The following NOD1 variants were observed in gnomAD, a reference collection of about 807,000 sequenced individuals.
NOD1 encodes nucleotide-binding oligomerization domain-containing protein 1.
A neutral mutation model predicts 81.2 loss-of-function variants in NOD1; 70 were observed. The observed-to-expected ratio is 0.86, with a 90% CI of 0.71 to 1.05. The LOEUF (loss-of-function observed/expected upper bound fraction) is 1.05. Ranked by LOEUF, NOD1 falls within the 50% of genes least tolerant of loss-of-function variation. NOD1 has a pLI of 0.00. For synonymous variants in NOD1, 508 were observed against 526.9 expected, an observed-to-expected ratio of 0.96 and a Z score of 0.49; for missense variants, 1,233 against 1,228.0, an observed-to-expected ratio of 1.00 and a Z score of -0.06.
intron 11 of NOD1, among the ~76,000 whole-genome samples, chr7:30,435,203 G>T (rs1784279313): frequency 6.6e-6 from 1 of 152,228 alleles, no homozygotes; most frequent in Admixed American, 6.5e-5. Context: ...GTGCCCTAGA[G>T]TGCAGAGAGG....
At chr7:30,470,057 T>C (rs899801653) in intron 1 of NOD1, among the ~76,000 whole-genome samples, 1 of 152,228 alleles carries the variant, frequency 6.6e-6, no homozygotes, top group Non-Finnish European at 1.5e-5. Context: ...AGTTGATTAT[T>C]TTCCTTTCAC....
rs192621414 is a variant in NOD1 at position 30,446,677 on chromosome 7, A to G, written c.2369+290T>C. On this transcript the variant is annotated intron_variant, in intron 8 of 13. Coordinates refer to ENST00000222823, the MANE Select transcript of NOD1 (RefSeq NM_006092.4). ...AAGCTCTTCCTTGCAACCCGACAGG[A>G]AACTCCCTTGGGGCAAAAAGACCAC... The G allele has an allele frequency of 3.3e-5, 14 of 424,356 alleles. No homozygotes were observed. In the Admixed American group the frequency reaches 3.8e-4, roughly 11 times the overall value. 26.3% of individuals were successfully genotyped at this position (424,356 alleles called of 1,614,324 possible). A position where few individuals can be genotyped will look rare whatever the true frequency, so the allele number is the denominator to read the frequency against.
At position 30,425,669 on chromosome 7, in the gene NOD1, T is replaced by C. The variant is rs370998122; in HGVS notation, c.2831A>G (p.Tyr944Cys). 216 of 1,613,786 alleles carry C rather than the reference T, an allele frequency of 1.3e-4. No individual in the cohort carries two copies. The highest frequency in any genetic ancestry group is 1.7e-4 in the Non-Finnish European group (198 of 1,179,814). The change falls in exon 14 of 14, where the codon TAT becomes TGT. Residue 944 changes from tyrosine (Y) to cysteine (C), a missense_variant. Coordinates refer to ENST00000222823, the MANE Select transcript of NOD1 (RefSeq NM_006092.4). ...ACAGATAATCCGCTTCTCATCTTCA[T>C]AGACTTTGGCCTCCTCTGGTTTTAT... ...NLIKPEEAKVYEDEKRIICF is the reference protein window; with the variant it reads ...NLIKPEEAKVCEDEKRIICF
rs369902284 is a variant in NOD1 at position 30,456,941 on chromosome 7, T to C, written c.-20A>G. ...TTCCATAGTTAAAGTAGCAAGCGGC[T>C]ACTTTTCCCAAATTCATCTTCAGCT... is the stretch of plus-strand genomic sequence containing the variant. On this transcript the variant is annotated 5_prime_UTR_variant, in exon 4 of 14. Coordinates refer to ENST00000222823, the MANE Select transcript of NOD1 (RefSeq NM_006092.4). 69 of 1,609,530 alleles carry C rather than the reference T, an allele frequency of 4.3e-5. No individual in the cohort carries two copies. The highest frequency in any genetic ancestry group is 5.7e-5 in the Non-Finnish European group (67 of 1,175,968).
rs536210644 is a variant in NOD1, at chr7:30,432,469, T to C, written c.2705+627A>G. Among the ~76,000 whole-genome samples the C allele has an allele frequency of 4.6e-5, 7 of 152,312 alleles. 1 individual carries two copies. Among genetic ancestry groups the C allele is most frequent in the African/African-American group, 4.8e-5 (2 of 41,570 alleles). On this transcript the variant is annotated intron_variant, in intron 12 of 13. Transcript: ENST00000222823. ...AAGTGTTGGTGAGGATGTGGAGAAA[T>C]TGGAATCCACATACATTGCTGGCGA...
Position 30,448,365 on chromosome 7 carries a change from T to C in NOD1, c.2218A>G (p.Ile740Val). 3 of 1,614,174 alleles carry C rather than the reference T, an allele frequency of 1.9e-6. No individual in the cohort carries two copies. Among genetic ancestry groups the C allele is most frequent in the Non-Finnish European group, 2.5e-6 (3 of 1,179,990 alleles). The part of the protein sequence containing the change: ...LTVLRLSVNQ[I>V]TDGGVKVLSE... ...AGCACCTTTACCCCACCGTCAGTGATCTGGTTTACGCTGAGTCTGAAATAA... is the reference window on the plus strand; with the variant it reads ...AGCACCTTTACCCCACCGTCAGTGACCTGGTTTACGCTGAGTCTGAAATAA... The change falls in exon 7 of 14, where the codon ATC (isoleucine) becomes GTC (valine). Residue 740 changes from isoleucine to valine, a missense_variant. By Grantham distance (29) the Ile-to-Val change is conservative. Transcript: ENST00000222823.
chr7:30,475,190 T>C (rs1428459947), intron 1 of NOD1, among the ~76,000 whole-genome samples: 1 of 152,256 alleles, frequency 6.6e-6, no homozygotes, highest in Non-Finnish European at 1.5e-5. Flanking sequence ...CTTAGCAATA[T>C]GTGACTGCCA....
At position 30,425,360 on chromosome 7, in the gene NOD1, A is replaced by ATAAT. The variant is rs923339931; in HGVS notation, c.*274_*277dup. On this transcript the variant is annotated 3_prime_UTR_variant, in exon 14 of 14. Transcript: ENST00000222823. ...TTTATTCCTCTAGCTTCAGATAAAA[A>ATAAT]TAATTATAATAGGCAATAAAGTCTC... 5 of 392,154 alleles carry ATAAT rather than the reference A, an allele frequency of 1.3e-5. No homozygotes were observed. The highest frequency in any genetic ancestry group is 1.0e-4 in the African/African-American group (5 of 49,194). 24.3% of individuals were successfully genotyped at this position (392,154 alleles called of 1,614,324 possible).
At chr7:30,435,278 C>T (rs1468483578) in intron 11 of NOD1, among the ~76,000 whole-genome samples, 3 of 152,032 alleles carry the variant, frequency 2.0e-5, no homozygotes, top group Non-Finnish European at 4.4e-5. Context: ...AAAGGCCAAA[C>T]CCTGATGTGA....
chr7:30,425,756 G>C (rs372809270), intron 13 of NOD1, 46 bp from the exon 14 acceptor site: 1 of 1,333,302 alleles, frequency 7.5e-7, no homozygotes, highest in African/African-American at 1.4e-5. Context: ...AAATGTTAAG[G>C]ATCCTCGCAC....
At chr7:30,460,486 G>A (rs1786926018) in intron 1 of NOD1, 1 of 985,292 alleles carries the variant, frequency 1.0e-6, no homozygotes, top group African/African-American at 1.7e-5. Context: ...CCAGGCCAGT[G>A]GTGCAGACCA....
chr7:30,475,802 C>T (rs1425913417), intron 1 of NOD1: 1 of 152,206 alleles, frequency 6.6e-6, no homozygotes, highest in Non-Finnish European at 1.5e-5. Flanking sequence ...AACTTTCTAG[C>T]GTGGGTAAAA....
At chr7:30,466,502 GA>G (rs1201347886) in intron 1 of NOD1, among the ~76,000 whole-genome samples, 1 of 152,046 alleles carries the variant, frequency 6.6e-6, no homozygotes, top group African/African-American at 2.4e-5. Context: ...AATCAACCTT[GA>G]TTGTTTGATA....
At position 30,455,315 on chromosome 7, in the gene NOD1, G is replaced by C; in HGVS notation, c.202-4C>G. Reference sequence around the variant, plus strand: ...CCAGGTCCAGAATTTTGCGGACCTGGAGGTGACACAAGCATGAGGGCACGG... The same window carrying C: ...CCAGGTCCAGAATTTTGCGGACCTGCAGGTGACACAAGCATGAGGGCACGG... On this transcript the variant is annotated splice_region_variant and splice_polypyrimidine_tract_variant and intron_variant, in intron 4 of 13. Transcript: ENST00000222823. The C allele has an allele frequency of 6.2e-7, 1 of 1,611,380 alleles. No homozygotes were observed. The highest frequency in any genetic ancestry group is 1.1e-5 in the South Asian group (1 of 91,004).
chr7:30,446,148 C>G lies in NOD1; in HGVS notation c.2446G>C (p.Glu816Gln), dbSNP rs771682319. Residue 816 changes from glutamate to glutamine, a missense_variant, in exon 9 of 14, where the codon GAG becomes CAG. Physicochemically the swap from Glu to Gln is conservative, Grantham distance 29. Coordinates refer to ENST00000222823, the MANE Select transcript of NOD1 (RefSeq NM_006092.4). ...LAVKNSKSIS[E>Q]VGMWGNQVGD... Reference sequence around the variant, plus strand: ...CCATCCCCTTCTACTCACCCAACCTCAGAGATTGATTTGCTGTTCTTCACA... The same window carrying G: ...CCATCCCCTTCTACTCACCCAACCTGAGAGATTGATTTGCTGTTCTTCACA... 1.1e-5 allele frequency: 17 copies of G among 1,613,350 alleles called. No homozygotes were observed. Among genetic ancestry groups the G allele is most frequent in the Non-Finnish European group, 1.3e-5 (15 of 1,179,460 alleles).
chr7:30,437,699 A>G (rs2128010845), intron 9 of NOD1, 43 bp from the exon 10 acceptor site: 1 of 1,397,986 alleles, frequency 7.2e-7, no homozygotes, highest in South Asian at 1.4e-5. Context: ...TCCCCAAGAA[A>G]CAGCCATGCT....
intron 13 of NOD1, among the ~76,000 whole-genome samples, chr7:30,427,114 G>A (rs185496870): frequency 1.2e-4 from 18 of 152,220 alleles, no homozygotes; most frequent in Admixed American, 5.2e-4. Flanking sequence ...CAAGCGTTTC[G>A]TTATTCAAGG....
rs1025710675 is a variant in NOD1 at position 30,429,276 on chromosome 7, G to T, written c.2789+98C>A. 12 of 984,776 alleles carry T rather than the reference G, an allele frequency of 1.2e-5. No homozygotes were observed. In the African/African-American group the frequency reaches 1.6e-4, roughly 13 times the overall value. 61.0% of individuals were successfully genotyped at this position (984,776 alleles called of 1,614,324 possible). On this transcript the variant is annotated intron_variant, in intron 13 of 13. Coordinates refer to ENST00000222823, the MANE Select transcript of NOD1 (RefSeq NM_006092.4). Reference sequence around the variant, plus strand: ...CCATTACTGTGCAGGGTTGCTGGAGGAATAAACAGAAACCACCCTGCGTTG... The same window carrying T: ...CCATTACTGTGCAGGGTTGCTGGAGTAATAAACAGAAACCACCCTGCGTTG...
rs1163525945 is a variant in NOD1 at position 30,467,008 on chromosome 7, G to C, written c.-351-6967C>G. ...AGAACCACATCCATCATTTCTGTTA[G>C]AATTACTGGGTTGGTATCCCTAAAA... On this transcript the variant is annotated intron_variant, in intron 1 of 13. Coordinates refer to ENST00000222823, the MANE Select transcript of NOD1 (RefSeq NM_006092.4). This position sits in a 1 kb window ranked among gnomAD's most constrained non-coding sequence, Gnocchi z 4.5. Among the ~76,000 whole-genome samples, 1 of 152,140 alleles carries C rather than the reference G, an allele frequency of 6.6e-6. No individual in the cohort carries two copies. Among genetic ancestry groups the C allele is most frequent in the Non-Finnish European group, 1.5e-5 (1 of 68,026 alleles).
Sources: gnomAD v4.1 joint callset for allele counts (sites outside exome capture counted in the v4.1 genomes callset) on GRCh38, gnomAD v4.1.1 for gene constraint, Gnocchi (gnomAD v3.1) non-coding constraint, MANE v1.5 for transcripts, NCBI Gene and HGNC (gene_info 2026-07-23, HGNC 2026-07-21) for gene names.